Variants in NFATC1 observed in about 807,000 individuals in gnomAD.
NFATC1 encodes the protein nuclear factor of activated T cells 1.
In NFATC1, 22 loss-of-function variants were observed where a neutral mutation model predicts 76.0. The ratio of observed to expected loss-of-function variants is 0.29; its 90% CI spans 0.21 to 0.41. NFATC1 has a LOEUF of 0.41. Ranked by LOEUF, NFATC1 falls within the 10% of genes least tolerant of loss-of-function variation. The pLI, the probability that NFATC1 is intolerant of heterozygous loss-of-function variation, is 1.00. For synonymous variants in NFATC1, 704 were observed against 613.1 expected (o/e 1.15, Z -2.19); for missense variants, 1,357 against 1,337.7 (o/e 1.01, Z -0.23).
intron 2 of NFATC1, among the ~76,000 whole-genome samples, chr18:79,418,895 A>G (rs1316073663): frequency 6.6e-6 from 1 of 152,316 alleles, no homozygotes; most frequent in Middle Eastern, 3.4e-3. Context: ...GCGTTCTCCC[A>G]GGCGTGTGTG....
intron 2 of NFATC1, among the ~76,000 whole-genome samples, chr18:79,431,381 G>A (rs1238894341): frequency 6.6e-6 from 1 of 152,134 alleles, no homozygotes; most frequent in Admixed American, 6.6e-5. Context: ...TTTTGAGACA[G>A]AGTCTTGCCC....
intron 9 of NFATC1, among the ~76,000 whole-genome samples, chr18:79,499,358 A>T (rs2089966194): frequency 6.6e-6 from 1 of 152,100 alleles, no homozygotes; most frequent in African/African-American, 2.4e-5. Context: ...TGTGTCACAC[A>T]CACACATAAA....
chr18:79,436,599 G>A (rs1378817418), intron 3 of NFATC1, among the ~76,000 whole-genome samples: 1 of 152,224 alleles, frequency 6.6e-6, no homozygotes, highest in Admixed American at 6.5e-5. Context: ...TTCGCAGTTG[G>A]GAAGTGAAGC....
At chr18:79,473,971 T>G (rs2088907082) in intron 8 of NFATC1, among the ~76,000 whole-genome samples, 1 of 145,166 alleles carries the variant, frequency 6.9e-6, no homozygotes. Flanking sequence ...GTTCTCGCGC[T>G]CACTGTCGAC....
At chr18:79,441,903 G>T (rs2086990791) in intron 3 of NFATC1, among the ~76,000 whole-genome samples, 1 of 152,118 alleles carries the variant, frequency 6.6e-6, no homozygotes, top group Non-Finnish European at 1.5e-5. Context: ...TCTAAACGTG[G>T]TGTTTCCGGG....
intron 1 of NFATC1, among the ~76,000 whole-genome samples, chr18:79,406,824 C>A (rs1412904053): frequency 1.3e-5 from 2 of 152,210 alleles, no homozygotes; most frequent in South Asian, 2.1e-4. Flanking sequence ...CCCTGTGCTT[C>A]CCCCGAGACC....
At chr18:79,483,161 CGTG>C (rs2089358227) in intron 8 of NFATC1, among the ~76,000 whole-genome samples, 23 of 86,240 alleles carry the variant, frequency 2.7e-4, no homozygotes, top group Non-Finnish European at 3.4e-4. Context: ...GTAATTCCAG[CGTG>C]ACCTGGTTCC....
At chr18:79,396,450 G>C (rs2085007312) in intron 1 of NFATC1, 99 bp downstream of exon 1, 3 of 736,448 alleles carry the variant, frequency 4.1e-6, no homozygotes, top group Non-Finnish European at 3.5e-6. Flanking sequence ...GAGGGGTCCG[G>C]GCCAGAGAAC....
chr18:79,440,623 G>A (rs2086936990), intron 3 of NFATC1, among the ~76,000 whole-genome samples: 1 of 152,202 alleles, frequency 6.6e-6, no homozygotes, highest in Non-Finnish European at 1.5e-5. Flanking sequence ...GTTTCTCCGA[G>A]GACCTGGGGC....
chr18:79,517,960 G>A (rs1436182303), intron 9 of NFATC1, among the ~76,000 whole-genome samples: 1 of 152,168 alleles, frequency 6.6e-6, no homozygotes, highest in Non-Finnish European at 1.5e-5. Flanking sequence ...AGTGTATTTG[G>A]GTTAGCGTGG....
At chr18:79,526,160 C>T (rs969065862) in intron 9 of NFATC1, among the ~76,000 whole-genome samples, 11 of 152,344 alleles carry the variant, frequency 7.2e-5, no homozygotes, top group Admixed American at 2.6e-4. Context: ...AGCTGCCGTG[C>T]GCACTCTGGG....
At chr18:79,433,281 A>C (rs923754501) in intron 2 of NFATC1, among the ~76,000 whole-genome samples, 2 of 152,304 alleles carry the variant, frequency 1.3e-5, no homozygotes, top group Admixed American at 6.5e-5. Context: ...ATTTTCAATG[A>C]GTTCTAAAAC....
At chr18:79,414,516 A>G (rs926277597) in intron 2 of NFATC1, among the ~76,000 whole-genome samples, 3 of 152,338 alleles carry the variant, frequency 2.0e-5, no homozygotes, top group Admixed American at 6.5e-5. Context: ...GAGGCCCACA[A>G]TGGTCAAAGA....
In NFATC1 at chr18:79,442,127, G is replaced by A. The variant is rs1262507843; in HGVS notation, c.1387-6655G>A. Among the ~76,000 whole-genome samples, 9 of 152,324 alleles carry A rather than the reference G, an allele frequency of 5.9e-5. No homozygotes were observed. The East Asian group carries it at 1.5e-3, about 26-fold the overall frequency. On this transcript the variant is annotated intron_variant, in intron 3 of 9. Transcript: ENST00000427363. ...GTGGTCCCTGCATGGCACAGGTTGG[G>A]AGAGCAGCCGGGAGGGCAGCGGGCC...
chr18:79,464,702 A>ATTTTTTTT (rs1555911977), intron 7 of NFATC1, among the ~76,000 whole-genome samples: 2 of 69,302 alleles, frequency 2.9e-5, no homozygotes, highest in East Asian at 4.6e-4. Context: ...ATATTTATTT[A>ATTTTTTTT]TTTATTTATT....
chr18:79,416,107 G>T (rs2085867131), intron 2 of NFATC1, among the ~76,000 whole-genome samples: 1 of 152,190 alleles, frequency 6.6e-6, no homozygotes, highest in Admixed American at 6.5e-5. Context: ...TTAAGTTTTG[G>T]GCTGCAATAT....
intron 6 of NFATC1, among the ~76,000 whole-genome samples, chr18:79,455,533 C>T (rs1227682536): frequency 2.0e-5 from 3 of 152,194 alleles, no homozygotes; most frequent in Non-Finnish European, 4.4e-5. Flanking sequence ...GGACCCAGTG[C>T]CGTGCCAGCC....
chr18:79,410,421 C>T lies in NFATC1; in HGVS notation c.146C>T (p.Ser49Phe). The T allele has an allele frequency of 8.1e-6, 13 of 1,610,434 alleles. No homozygotes were observed. Among genetic ancestry groups the T allele is most frequent in the East Asian group, 2.2e-5 (1 of 44,836 alleles). ...TCTCTAGAACACTATGGCTATGCATCCTCCAACGTCAGCCCCGCCCTGCCG... is the reference window on the plus strand; with the variant it reads ...TCTCTAGAACACTATGGCTATGCATTCTCCAACGTCAGCCCCGCCCTGCCG... ...SAEEEHYGYA[S>F]SNVSPALPLP... is the part of the protein sequence containing the mutation. The change falls in exon 2 of 10, where the codon TCC becomes TTC. Residue 49 changes from serine to phenylalanine, a missense_variant. Ser to Phe is a radical substitution (Grantham distance 155). Coordinates refer to ENST00000427363, the MANE Select transcript of NFATC1 (RefSeq NM_001278669.2). This position sits in a 1 kb window ranked among gnomAD's most constrained non-coding sequence, Gnocchi z 6.7.
chr18:79,486,191 C>T, intron 8 of NFATC1, 57 bp from the exon 9 acceptor site: 1 of 1,510,906 alleles, frequency 6.6e-7, no homozygotes, highest in Non-Finnish European at 9.0e-7. Flanking sequence ...CACAAGCCTG[C>T]CTGATCACAC....
Sources: allele counts gnomAD v4.1 joint callset (sites outside exome capture counted in the v4.1 genomes callset), GRCh38; gene constraint gnomAD v4.1.1; non-coding constraint Gnocchi (gnomAD v3.1); transcripts MANE v1.5; gene names NCBI Gene and HGNC (gene_info 2026-07-23, HGNC 2026-07-21).